The following TIMP2 variants were observed in gnomAD, a reference collection of about 807,000 sequenced individuals.
The protein encoded by TIMP2 is TIMP metallopeptidase inhibitor 2, also known as metalloproteinase inhibitor 2.
TIMP2 carries 5 observed loss-of-function variants against 24.3 expected under a neutral mutation model. That is an observed-to-expected ratio of 0.21 (90% confidence interval 0.11 to 0.43). The LOEUF is 0.43. Among genes scored for constraint, TIMP2 ranks in the 20% least tolerant of loss-of-function variants. TIMP2 has a pLI of 1.00. For missense variants in TIMP2, 221 were observed against 297.5 expected, an observed-to-expected ratio of 0.74 and a Z score of 1.89; for synonymous variants, 130 against 123.2, an observed-to-expected ratio of 1.06 and a Z score of -0.37.
intron 3 of TIMP2, among the ~76,000 whole-genome samples, chr17:78,861,951 G>A (rs538911737): frequency 6.6e-6 from 1 of 152,320 alleles, no homozygotes; most frequent in East Asian, 1.9e-4. Flanking sequence ...CCTCTGGTCT[G>A]ATTAAGACTT....
chr17:78,880,990 G>A (rs1475236053), intron 1 of TIMP2, among the ~76,000 whole-genome samples: 1 of 152,190 alleles, frequency 6.6e-6, no homozygotes, highest in African/African-American at 2.4e-5. Flanking sequence ...GCTACGGGAC[G>A]TGCTCAGGCA....
chr17:78,917,082 C>T lies in TIMP2; in HGVS notation c.130+7877G>A, dbSNP rs928835827. Among the ~76,000 whole-genome samples, 14 of 152,274 alleles carry T rather than the reference C, an allele frequency of 9.2e-5. 2 individuals are homozygous for T. Among genetic ancestry groups the T allele is most frequent in the East Asian group, 1.9e-4 (1 of 5,180 alleles). ...CCTGGCCGACAGGGTGAAACCCCGT[C>T]TCTACTAAAAATACAAAAAATTAGC... is the stretch of plus-strand genomic sequence containing the variant. On this transcript the variant is annotated intron_variant, in intron 1 of 4. Coordinates refer to ENST00000262768, the MANE Select transcript of TIMP2 (RefSeq NM_003255.5).
chr17:78,913,121 G>A (rs1421357404), intron 1 of TIMP2, among the ~76,000 whole-genome samples: 1 of 152,170 alleles, frequency 6.6e-6, no homozygotes, highest in Non-Finnish European at 1.5e-5. Flanking sequence ...GCCCAGCAGT[G>A]GGTCTAGTTT....
chr17:78,879,928 G>A (rs775792707), intron 1 of TIMP2, among the ~76,000 whole-genome samples: 4 of 151,312 alleles, frequency 2.6e-5, no homozygotes, highest in Admixed American at 6.6e-5. Flanking sequence ...GAAAAGAACC[G>A]GGTGGGCGGA....
chr17:78,860,500 C>G (rs1599144726), intron 3 of TIMP2, among the ~76,000 whole-genome samples: 1 of 152,216 alleles, frequency 6.6e-6, no homozygotes, highest in Admixed American at 6.5e-5. Flanking sequence ...CCTGGGGCTC[C>G]AAGCAGACAC....
intron 1 of TIMP2, among the ~76,000 whole-genome samples, chr17:78,880,574 G>C (rs138975104): frequency 6.6e-6 from 1 of 152,076 alleles, no homozygotes; most frequent in Non-Finnish European, 1.5e-5. Flanking sequence ...TTAGCTGGGC[G>C]TGGTGGCATC....
At chr17:78,921,610 A>C (rs1038239074) in intron 1 of TIMP2, among the ~76,000 whole-genome samples, 1 of 152,200 alleles carries the variant, frequency 6.6e-6, no homozygotes. Flanking sequence ...GGCTGGCAGT[A>C]GATGTGAAGG....
chr17:78,919,803 C>G (rs893959205), intron 1 of TIMP2, among the ~76,000 whole-genome samples: 1 of 152,038 alleles, frequency 6.6e-6, no homozygotes, highest in African/African-American at 2.4e-5. Context: ...CCACTGCACT[C>G]CAGCCTGGAG....
intron 3 of TIMP2, among the ~76,000 whole-genome samples, chr17:78,870,132 T>C (rs1030388291): frequency 6.6e-6 from 1 of 152,140 alleles, no homozygotes; most frequent in Non-Finnish European, 1.5e-5. Context: ...TTGAAAATGG[T>C]TGGCCGGGCG....
chr17:78,886,674 G>A (rs910810504), intron 1 of TIMP2, among the ~76,000 whole-genome samples: 3 of 152,110 alleles, frequency 2.0e-5, no homozygotes. Context: ...CCTAGCCCAT[G>A]ACATTCTGGA....
chr17:78,872,897 T>C (rs1436797586), intron 2 of TIMP2, among the ~76,000 whole-genome samples: 1 of 152,060 alleles, frequency 6.6e-6, no homozygotes, highest in Admixed American at 6.6e-5. Context: ...TGGTGCAATC[T>C]CAGCTCACGG....
In TIMP2 at chr17:78,911,406, C is replaced by T. The variant is rs116813998; in HGVS notation, c.130+13553G>A. On this transcript the variant is annotated intron_variant, in intron 1 of 4. Transcript: ENST00000262768. ...GACAAACTAACTAACTATTGAGCCC[C>T]TCCAGTGCTTTTGTTGTTTTTGTTT... 6.6e-4 allele frequency among the ~76,000 whole-genome samples: 100 copies of T among 151,930 alleles called. 1 individual carries two copies. The highest frequency in any genetic ancestry group is 2.4e-3 in the African/African-American group (99 of 41,416).
chr17:78,858,258 C>T (rs773510763), intron 3 of TIMP2, among the ~76,000 whole-genome samples: 30 of 151,976 alleles, frequency 2.0e-4, no homozygotes, highest in Non-Finnish European at 3.4e-4. Flanking sequence ...CTGGCTAACA[C>T]GGTGAAACCC....
chr17:78,924,987 C>A lies in TIMP2; in HGVS notation c.102G>T (p.Pro34=), dbSNP rs537530463. Residue 34 remains proline (P), a synonymous_variant, in exon 1 of 5, where the codon CCG becomes CCT. Coordinates refer to ENST00000262768, the MANE Select transcript of TIMP2 (RefSeq NM_003255.5). The surrounding 1 kb of genome is among the most constrained non-coding windows in gnomAD (Gnocchi z 5.3). ...CATCTGCATTGCAAAACGCCTGTTG[C>A]GGGTGCACCGGGGAGCAGCTGCAGG... The part of the protein sequence containing the change: ...ADACSCSPVH[P]QQAFCNADVV... The A allele has an allele frequency of 1.6e-6, 2 of 1,282,428 alleles. No homozygotes were observed. Among genetic ancestry groups the A allele is most frequent in the South Asian group, 2.2e-5 (1 of 46,058 alleles). The allele number at this position is 1,282,428 out of a possible 1,614,324, so 79.4% of individuals were successfully genotyped here.
intron 1 of TIMP2, among the ~76,000 whole-genome samples, chr17:78,881,331 C>CCCAT (rs2069778223): frequency 6.6e-6 from 1 of 152,222 alleles, no homozygotes; most frequent in Admixed American, 6.5e-5. Context: ...CCAAGGGGTC[C>CCCAT]CCATGTTCTC....
intron 1 of TIMP2, among the ~76,000 whole-genome samples, chr17:78,887,142 G>A (rs137959439): frequency 6.5e-4 from 99 of 152,280 alleles, no homozygotes; most frequent in Non-Finnish European, 1.1e-3. Context: ...CTCCCGCCCC[G>A]TCCAAATGAG....
intron 1 of TIMP2, among the ~76,000 whole-genome samples, chr17:78,893,125 G>T (rs991129772): frequency 3.3e-5 from 5 of 150,766 alleles, no homozygotes; most frequent in Non-Finnish European, 5.9e-5. Context: ...GCACATGTGT[G>T]TGCAGGGGTG....
chr17:78,920,164 A>G lies in TIMP2; in HGVS notation c.130+4795T>C, dbSNP rs2070298498. Reference sequence around the variant, plus strand: ...CTGGAGACGGCTGCCCGCGCCTCTCAGTCTCCCAGGAGTCATCTATGCCCT... The same window carrying G: ...CTGGAGACGGCTGCCCGCGCCTCTCGGTCTCCCAGGAGTCATCTATGCCCT... On this transcript the variant is annotated intron_variant, in intron 1 of 4. Coordinates refer to ENST00000262768, the MANE Select transcript of TIMP2 (RefSeq NM_003255.5). This position sits in a 1 kb window ranked among gnomAD's most constrained non-coding sequence, Gnocchi z 4.5. Among the ~76,000 whole-genome samples, 1 of 152,146 alleles carries G rather than the reference A, an allele frequency of 6.6e-6. No individual in the cohort carries two copies. Among genetic ancestry groups the G allele is most frequent in the Non-Finnish European group, 1.5e-5 (1 of 68,016 alleles).
intron 3 of TIMP2, among the ~76,000 whole-genome samples, chr17:78,866,104 C>T (rs900278555): frequency 3.7e-4 from 56 of 152,254 alleles, no homozygotes; most frequent in African/African-American, 1.3e-3. Context: ...TGATGACAAA[C>T]GTAATAAATG....
Sources: gnomAD v4.1 joint callset for allele counts (sites outside exome capture counted in the v4.1 genomes callset) on GRCh38, gnomAD v4.1.1 for gene constraint, Gnocchi (gnomAD v3.1) non-coding constraint, MANE v1.5 for transcripts, NCBI Gene and HGNC (gene_info 2026-07-23, HGNC 2026-07-21) for gene names.